TYW1B: variants seen among roughly 807,000 people sequenced by gnomAD.
The protein encoded by TYW1B is tRNA-yW synthesizing protein 1 homolog B.
In TYW1B, 73 loss-of-function variants were observed where a neutral mutation model predicts 86.9. The ratio of observed to expected loss-of-function variants is 0.84; its 90% CI spans 0.70 to 1.02. The LOEUF is 1.02. Ranked by LOEUF, TYW1B falls within the 50% of genes least tolerant of loss-of-function variation. TYW1B has a pLI of 0.00. For synonymous variants in TYW1B, 248 were observed against 292.8 expected, an observed-to-expected ratio of 0.85 and a Z score of 1.56; for missense variants, 637 against 827.4, an observed-to-expected ratio of 0.77 and a Z score of 2.82.
chr7:72,756,201 T>TTTTATTTTA (rs1787584730), intron 7 of TYW1B, among the ~76,000 whole-genome samples: 76 of 138,866 alleles, frequency 5.5e-4, no homozygotes, highest in Middle Eastern at 3.7e-3. Context: ...GTTTATTATT[T>TTTTATTTTA]TTTTATTTTA....
chr7:72,596,282 T>C (rs1341699874), intron 13 of TYW1B, among the ~76,000 whole-genome samples: 6 of 148,438 alleles, frequency 4.0e-5, no homozygotes, highest in Admixed American at 3.4e-4. Flanking sequence ...TTTGTAGAAA[T>C]AGAAATCTAT....
chr7:72,578,271 G>T (rs1563016680), intron 13 of TYW1B, among the ~76,000 whole-genome samples: 1 of 151,880 alleles, frequency 6.6e-6, no homozygotes, highest in Non-Finnish European at 1.5e-5. Context: ...CCACCACCAC[G>T]CCTGGCTAAT....
At position 72,681,963 on chromosome 7, in the gene TYW1B, C is replaced by T. The variant is rs527643611; in HGVS notation, c.1506+12724G>A. 6.6e-5 allele frequency among the ~76,000 whole-genome samples: 10 copies of T among 151,852 alleles called. No homozygotes were observed. The East Asian group carries it at 1.4e-3, about 21-fold the overall frequency. On this transcript the variant is annotated intron_variant, in intron 11 of 13. Coordinates refer to ENST00000620995, the MANE Select transcript of TYW1B (RefSeq NM_001145440.3). Reference sequence around the variant, plus strand: ...CGCAATCTCGGCTCACTGCAACCTCCGCCTCCCGGGTTCAGGTGATTCTCC... The same window carrying T: ...CGCAATCTCGGCTCACTGCAACCTCTGCCTCCCGGGTTCAGGTGATTCTCC...
At chr7:72,742,208 C>T (rs1787317966) in intron 8 of TYW1B, among the ~76,000 whole-genome samples, 1 of 152,310 alleles carries the variant, frequency 6.6e-6, no homozygotes, top group African/African-American at 2.4e-5. Context: ...AGGCTCATTG[C>T]AACCTCCACC....
chr7:72,711,715 C>A (rs13236965), intron 10 of TYW1B, among the ~76,000 whole-genome samples: 2 of 151,786 alleles, frequency 1.3e-5, no homozygotes, highest in African/African-American at 4.8e-5. Flanking sequence ...TCTCAATCTC[C>A]TGACCTGGTG....
At chr7:72,611,631 G>A (rs1354605837) in intron 13 of TYW1B, among the ~76,000 whole-genome samples, 14 of 152,252 alleles carry the variant, frequency 9.2e-5, no homozygotes, top group Non-Finnish European at 1.9e-4. Context: ...CCAGTCTCGG[G>A]TATGTCTTTA....
intron 7 of TYW1B, among the ~76,000 whole-genome samples, chr7:72,763,802 G>C (rs1554467812): frequency 6.6e-6 from 1 of 152,120 alleles, no homozygotes; most frequent in Non-Finnish European, 1.5e-5. Context: ...TTAGGCCCCT[G>C]AAAAGCTTCA....
chr7:72,825,334 C>A (rs1788910663), intron 2 of TYW1B, among the ~76,000 whole-genome samples: 1 of 152,106 alleles, frequency 6.6e-6, no homozygotes, highest in African/African-American at 2.4e-5. Context: ...TAGTGTCTAC[C>A]TTTAACACTT....
intron 11 of TYW1B, among the ~76,000 whole-genome samples, chr7:72,632,313 T>A (rs1329528347): frequency 6.6e-5 from 6 of 90,278 alleles, no homozygotes; most frequent in African/African-American, 1.3e-4. Context: ...GTATATATAT[T>A]ATATATATTA....
At chr7:72,609,588 T>A (rs1368954083) in intron 13 of TYW1B, among the ~76,000 whole-genome samples, 1 of 151,818 alleles carries the variant, frequency 6.6e-6, no homozygotes, top group East Asian at 1.9e-4. Context: ...ATAAATAAAT[T>A]GAGCAATCTC....
chr7:72,766,389 G>A (rs1270560809), intron 7 of TYW1B, among the ~76,000 whole-genome samples: 1 of 152,088 alleles, frequency 6.6e-6, no homozygotes, highest in Non-Finnish European at 1.5e-5. Flanking sequence ...CAAGGCGGGT[G>A]GATCACTTGA....
chr7:72,709,938 A>G (rs1417805009), intron 10 of TYW1B, among the ~76,000 whole-genome samples: 9 of 152,184 alleles, frequency 5.9e-5, no homozygotes, highest in Non-Finnish European at 1.3e-4. Flanking sequence ...GAAGATGGCA[A>G]TCAAGGCTAG....
At chr7:72,618,719 G>T (rs1288862769) in intron 12 of TYW1B, among the ~76,000 whole-genome samples, 3 of 152,122 alleles carry the variant, frequency 2.0e-5, no homozygotes, top group Non-Finnish European at 2.9e-5. Flanking sequence ...ATAAACAAGA[G>T]AATCTTCTCA....
rs554943685 is a variant in TYW1B at position 72,640,506 on chromosome 7, A to G, written c.1507-11509T>C. Among the ~76,000 whole-genome samples, 247 of 152,162 alleles carry G rather than the reference A, an allele frequency of 1.6e-3. 2 individuals carry two copies. Among genetic ancestry groups the G allele is most frequent in the African/African-American group, 5.4e-3 (223 of 41,564 alleles). ...AAAACAAAAAGAAAAAAGTTGTACT[A>G]TGCAAGCACTGACCTAAAAAAAAAA... is the stretch of plus-strand genomic sequence containing the variant. On this transcript the variant is annotated intron_variant, in intron 11 of 13. Coordinates refer to ENST00000620995, the MANE Select transcript of TYW1B (RefSeq NM_001145440.3).
Position 72,825,627 on chromosome 7 carries a change from G to A in TYW1B, c.135+1228C>T, listed in dbSNP as rs183752577. ...GTGGAGGTGGAGGTTGCAGTGAGCC[G>A]AGATCGTGCCACTGCACTCCAGCCT... is the stretch of plus-strand genomic sequence containing the variant. On this transcript the variant is annotated intron_variant, in intron 2 of 13. Coordinates refer to ENST00000620995, the MANE Select transcript of TYW1B (RefSeq NM_001145440.3). Among the ~76,000 whole-genome samples, 311 of 152,214 alleles carry A rather than the reference G, an allele frequency of 2.0e-3. 2 individuals carry two copies. The highest frequency in any genetic ancestry group is 7.9e-3 in the South Asian group (38 of 4,822).
intron 11 of TYW1B, among the ~76,000 whole-genome samples, chr7:72,670,980 G>C (rs1813587468): frequency 6.6e-6 from 1 of 152,104 alleles, no homozygotes; most frequent in Non-Finnish European, 1.5e-5. Context: ...ATGTTAAAAA[G>C]AACTAAACTG....
chr7:72,766,859 G>A (rs1308424392), intron 7 of TYW1B, among the ~76,000 whole-genome samples: 5 of 151,904 alleles, frequency 3.3e-5, no homozygotes, highest in African/African-American at 9.7e-5. Flanking sequence ...CCCAGGAGGC[G>A]GAGGTTGCAG....
intron 5 of TYW1B, 132 bp downstream of exon 5, chr7:72,806,934 C>G: frequency 7.8e-7 from 1 of 1,285,208 alleles, no homozygotes. Context: ...ATTACAAGTG[C>G]GAGCCACTGC....
chr7:72,608,269 A>G (rs561711283), intron 13 of TYW1B, among the ~76,000 whole-genome samples: 1 of 152,366 alleles, frequency 6.6e-6, no homozygotes, highest in African/African-American at 2.4e-5. Context: ...TAAGAATATG[A>G]GTAAATACAA....
Sources: allele counts gnomAD v4.1 joint callset (sites outside exome capture counted in the v4.1 genomes callset), GRCh38; gene constraint gnomAD v4.1.1; transcripts MANE v1.5; gene names NCBI Gene and HGNC (gene_info 2026-07-23, HGNC 2026-07-21).